The following RBFOX1 variants were observed in gnomAD, a reference collection of about 807,000 sequenced individuals.
The protein encoded by RBFOX1 is RNA binding fox-1 homolog 1, also known as RNA binding protein fox-1 homolog 1.
In RBFOX1, 8 loss-of-function variants were observed where a neutral mutation model predicts 57.7. That is an observed-to-expected ratio of 0.14 (90% confidence interval 0.08 to 0.25). The LOEUF (loss-of-function observed/expected upper bound fraction) is 0.25, where lower values mean the gene tolerates loss of function less well. RBFOX1 is among the 10% of genes least tolerant of loss of function. The pLI is 1.00. For synonymous variants in RBFOX1, 326 were observed against 222.4 expected, an observed-to-expected ratio of 1.47 and a Z score of -4.15; for missense variants, 611 against 548.5, an observed-to-expected ratio of 1.11 and a Z score of -1.14.
intron 4 of RBFOX1, among the ~76,000 whole-genome samples, chr16:5,961,661 A>G (rs541813627): frequency 1.3e-5 from 2 of 152,218 alleles, no homozygotes; most frequent in South Asian, 2.1e-4. Context: ...CTGAGAATAC[A>G]GGCATGTGCC....
chr16:5,663,323 A>G (rs1437983975), intron 3 of RBFOX1, among the ~76,000 whole-genome samples: 3 of 151,308 alleles, frequency 2.0e-5, no homozygotes, highest in South Asian at 2.1e-4. Context: ...AGGTCTTTCC[A>G]TTTCCCAGGT....
chr16:6,465,443 C>T (rs963488338), intron 2 of RBFOX1, among the ~76,000 whole-genome samples: 1 of 152,052 alleles, frequency 6.6e-6, no homozygotes, highest in South Asian at 2.1e-4. Context: ...AATGTATATC[C>T]TTTCATTTCT....
chr16:7,305,707 T>C (rs987088709), intron 4 of RBFOX1, among the ~76,000 whole-genome samples: 6 of 152,360 alleles, frequency 3.9e-5, no homozygotes, highest in African/African-American at 1.2e-4. Context: ...TCTATCAAGT[T>C]GGTTGACTCC....
At chr16:6,445,531 G>C (rs989547638) in intron 2 of RBFOX1, among the ~76,000 whole-genome samples, 7 of 150,804 alleles carry the variant, frequency 4.6e-5, no homozygotes, top group African/African-American at 1.7e-4. Context: ...GTGGGAACCA[G>C]GGAAGCTTAT....
intron 1 of RBFOX1, among the ~76,000 whole-genome samples, chr16:5,292,091 C>G (rs1454130951): frequency 6.6e-6 from 1 of 151,736 alleles, no homozygotes; most frequent in Non-Finnish European, 1.5e-5. Context: ...GATGGACGTT[C>G]ATTTGCTTTA....
chr16:7,176,432 ATGTACGAGGTATCTATTATG>A (rs1034763848), intron 4 of RBFOX1, among the ~76,000 whole-genome samples: 3 of 152,092 alleles, frequency 2.0e-5, no homozygotes, highest in Non-Finnish European at 4.4e-5. Flanking sequence ...TATAATAGAT[ATGTACGAGGTATCTATTATG>A]TGTACGAGGT....
At chr16:6,182,359 C>G (rs971032575) in intron 1 of RBFOX1, among the ~76,000 whole-genome samples, 7 of 152,108 alleles carry the variant, frequency 4.6e-5, no homozygotes, top group Non-Finnish European at 1.0e-4. Flanking sequence ...TACGACCTAC[C>G]ACAGCCACTT....
intron 3 of RBFOX1, among the ~76,000 whole-genome samples, chr16:6,765,073 C>G (rs577650699): frequency 3.3e-5 from 5 of 151,792 alleles, no homozygotes; most frequent in Non-Finnish European, 7.4e-5. Flanking sequence ...ATCTAAAGTC[C>G]TAAAGAATGC....
chr16:7,573,231 C>T (rs1028622799), intron 5 of RBFOX1, among the ~76,000 whole-genome samples: 3 of 151,792 alleles, frequency 2.0e-5, no homozygotes, highest in Non-Finnish European at 2.9e-5. Flanking sequence ...ATGCAAAGAC[C>T]AAAGATGGGG....
chr16:5,761,310 G>C (rs1248583779), intron 3 of RBFOX1, among the ~76,000 whole-genome samples: 1 of 152,162 alleles, frequency 6.6e-6, no homozygotes, highest in Admixed American at 6.5e-5. Context: ...TTTTAAAATG[G>C]TTTTCTAGCC....
chr16:6,078,682 G>A (rs374889509), intron 1 of RBFOX1, among the ~76,000 whole-genome samples: 1 of 150,094 alleles, frequency 6.7e-6, no homozygotes, highest in Non-Finnish European at 1.5e-5. Context: ...AGGGCATCGT[G>A]CTTGCAGCAA....
In RBFOX1 at chr16:7,467,883, A is replaced by C. The variant is rs182380520; in HGVS notation, c.28-50264A>C. 1.4e-3 allele frequency among the ~76,000 whole-genome samples: 215 copies of C among 152,372 alleles called. 1 individual carries two copies. The highest frequency in any genetic ancestry group is 4.9e-3 in the African/African-American group (204 of 41,600). On this transcript the variant is annotated intron_variant, in intron 4 of 15. Transcript: ENST00000550418. Reference sequence around the variant, plus strand: ...CAAAGTAATGAGCCTGATCTGATTCAGCCCAAGAACTCTGGTCATTGAACT... The same window carrying C: ...CAAAGTAATGAGCCTGATCTGATTCCGCCCAAGAACTCTGGTCATTGAACT...
intron 3 of RBFOX1, among the ~76,000 whole-genome samples, chr16:6,736,543 T>G (rs2070366509): frequency 6.6e-6 from 1 of 152,252 alleles, no homozygotes; most frequent in African/African-American, 2.4e-5. Flanking sequence ...CCTCAATTTC[T>G]TTATTCACTC....
chr16:7,032,222 C>G (rs925585665), intron 3 of RBFOX1, among the ~76,000 whole-genome samples: 3 of 151,958 alleles, frequency 2.0e-5, no homozygotes, highest in Admixed American at 6.6e-5. Flanking sequence ...GTCAGGAGTT[C>G]GAGACCAGAC....
intron 4 of RBFOX1, among the ~76,000 whole-genome samples, chr16:7,444,690 C>A (rs2098795062): frequency 6.6e-6 from 1 of 152,066 alleles, no homozygotes; most frequent in Admixed American, 6.5e-5. Flanking sequence ...CACCACCACA[C>A]CTGGCTAATT....
At chr16:7,665,011 G>T (rs768669595) in intron 13 of RBFOX1, 43 bp downstream of exon 13, 8 of 1,613,658 alleles carry the variant, frequency 5.0e-6, no homozygotes, top group African/African-American at 1.3e-5. Flanking sequence ...TTTCCTCCTG[G>T]AGTCATTCTT....
intron 3 of RBFOX1, among the ~76,000 whole-genome samples, chr16:6,839,829 T>C (rs1420278216): frequency 1.3e-5 from 2 of 152,228 alleles, no homozygotes; most frequent in Non-Finnish European, 2.9e-5. Context: ...TACTCATAGC[T>C]ATAATCATAC....
chr16:6,865,090 C>T (rs886556756), intron 3 of RBFOX1, among the ~76,000 whole-genome samples: 6 of 149,086 alleles, frequency 4.0e-5, no homozygotes, highest in African/African-American at 1.5e-4. Context: ...GCAACCTCCG[C>T]CTCCTGGGTT....
At chr16:6,377,688 TG>T (rs1393492103) in intron 2 of RBFOX1, among the ~76,000 whole-genome samples, 3 of 152,248 alleles carry the variant, frequency 2.0e-5, no homozygotes, top group Non-Finnish European at 4.4e-5. Flanking sequence ...CCCTCTACAG[TG>T]TTTTTAATAT....
Sources: gnomAD v4.1 joint callset for allele counts (sites outside exome capture counted in the v4.1 genomes callset) on GRCh38, gnomAD v4.1.1 for gene constraint, MANE v1.5 for transcripts, NCBI Gene and HGNC (gene_info 2026-07-23, HGNC 2026-07-21) for gene names.